MKNK2: variants seen among roughly 807,000 people sequenced by gnomAD.
The protein encoded by MKNK2 is MAPK interacting serine/threonine kinase 2, also known as MAP kinase-interacting serine/threonine-protein kinase 2.
MKNK2 carries 54 observed loss-of-function variants against 55.0 expected under a neutral mutation model. The ratio of observed to expected loss-of-function variants is 0.98; its 90% CI spans 0.79 to 1.23. MKNK2 has a LOEUF of 1.23. MKNK2 is among the 50% of genes most tolerant of loss of function. The pLI is 0.00. For missense variants in MKNK2, 685 were observed against 632.1 expected (o/e 1.08, Z -0.90); for synonymous variants, 323 against 256.0 (o/e 1.26, Z -2.50).
In MKNK2 at chr19:2,038,456, C is replaced by G; in HGVS notation, c.*1157G>C. Reference sequence around the variant, plus strand: ...GGGAGGGGGCAGCAGGCTCCGCAGCCCCCGGGGGTTGGAGCATGGAGGGTG... The same window carrying G: ...GGGAGGGGGCAGCAGGCTCCGCAGCGCCCGGGGGTTGGAGCATGGAGGGTG... On this transcript the variant is annotated 3_prime_UTR_variant, in exon 14 of 14. Coordinates refer to ENST00000250896, the MANE Select transcript of MKNK2 (RefSeq NM_199054.3). 3.0e-6 allele frequency: 3 copies of G among 985,488 alleles called. No homozygotes were observed. Among genetic ancestry groups the G allele is most frequent in the Non-Finnish European group, 2.4e-6 (2 of 829,886 alleles). The allele number at this position is 985,488 out of a possible 1,614,324, so 61.0% of individuals were successfully genotyped here.
Position 2,037,914 on chromosome 19 carries a change from G to A in MKNK2, c.*1699C>T, listed in dbSNP as rs112052351. On this transcript the variant is annotated 3_prime_UTR_variant, in exon 14 of 14. Coordinates refer to ENST00000250896, the MANE Select transcript of MKNK2 (RefSeq NM_199054.3). Reference sequence around the variant, plus strand: ...CCCGATGGCTATGGGCGCCTGCAGCGGGCGGGGGTCCATTTGCTTGTTCTT... The same window carrying A: ...CCCGATGGCTATGGGCGCCTGCAGCAGGCGGGGGTCCATTTGCTTGTTCTT... 2,396 of 1,408,670 alleles carry A rather than the reference G, an allele frequency of 1.7e-3. 36 individuals are homozygous for A. In the African/African-American group the frequency reaches 0.03, roughly 17 times the overall value. The allele number at this position is 1,408,670 out of a possible 1,614,324, so 87.3% of individuals were successfully genotyped here. A position where few individuals can be genotyped will look rare whatever the true frequency, so the allele number is the denominator to read the frequency against.
intron 2 of MKNK2, among the ~76,000 whole-genome samples, chr19:2,050,581 C>T (rs1371955189): frequency 5.9e-5 from 9 of 152,218 alleles, no homozygotes; most frequent in Admixed American, 5.9e-4. Flanking sequence ...GGAGGAAGGA[C>T]CCGGCGGCCA....
At chr19:2,041,762 C>T (rs150586106) in intron 11 of MKNK2, 78 bp downstream of exon 11, 13,709 of 1,270,806 alleles carry the variant, frequency 0.011, 92 homozygotes, top group Middle Eastern at 0.015. Flanking sequence ...AGGGCAGGTC[C>T]CCTGGGGTTA....
chr19:2,043,525 GCATCT>G lies in MKNK2; in HGVS notation c.392_396del (p.Glu131AlafsTer15). 1 of 1,614,054 alleles carries G rather than the reference GCATCT, an allele frequency of 6.2e-7. No homozygotes were observed. The highest frequency in any genetic ancestry group is 8.5e-7 in the Non-Finnish European group (1 of 1,179,960). On this transcript the variant is annotated frameshift_variant, in exon 6 of 14. Coordinates refer to ENST00000250896, the MANE Select transcript of MKNK2 (RefSeq NM_199054.3). LOFTEE classifies it high-confidence loss of function. ...TACCTGTGTCCCTGGCACTGGTACA[GCATCT>G]CCACCTCCCTGAAAACCCTGCTCCG... is the stretch of plus-strand genomic sequence containing the variant.
chr19:2,043,928 C>A (rs1047374328), intron 5 of MKNK2, among the ~76,000 whole-genome samples: 2 of 139,928 alleles, frequency 1.4e-5, no homozygotes, highest in Non-Finnish European at 3.0e-5. Context: ...GAGCTGAGAT[C>A]GCGCCATTGC....
chr19:2,043,042 C>A (rs1240236186), intron 7 of MKNK2, 82 bp downstream of exon 7: 1 of 1,339,212 alleles, frequency 7.5e-7, no homozygotes, highest in African/African-American at 1.4e-5. Flanking sequence ...CCCACAAGCC[C>A]CCTCCTGCAG....
intron 2 of MKNK2, among the ~76,000 whole-genome samples, chr19:2,049,398 C>A (rs567366409): frequency 2.0e-5 from 3 of 152,172 alleles, no homozygotes; most frequent in Admixed American, 6.6e-5. Context: ...CTAGAGCAAC[C>A]GGTCCCGGCC....
intron 7 of MKNK2, 37 bp downstream of exon 7, chr19:2,043,087 G>GCTCC: frequency 6.4e-7 from 1 of 1,564,062 alleles, no homozygotes; most frequent in Non-Finnish European, 8.8e-7. Context: ...ATACCTCCCA[G>GCTCC]CTCCCTCCCT....
chr19:2,041,133 G>A lies in MKNK2; in HGVS notation c.1017C>T (p.Cys339=), dbSNP rs537824868. ...FPDKDWAHIS[C]AAKDLISKLL... ...GCTTGGAGATGAGGTCTTTGGCAGC[G>A]CAGGAGATGTGGGCCCAGTCCTTGT... Residue 339 remains cysteine, a synonymous_variant, in exon 12 of 14, where the codon TGC becomes TGT. Transcript: ENST00000250896. 1.4e-5 allele frequency: 22 copies of A among 1,614,034 alleles called. No homozygotes were observed. Among genetic ancestry groups the A allele is most frequent in the South Asian group, 6.6e-5 (6 of 91,084 alleles).
In MKNK2 at chr19:2,039,160, C is replaced by T. The variant is rs1018229471; in HGVS notation, c.*453G>A. On this transcript the variant is annotated 3_prime_UTR_variant, in exon 14 of 14. Coordinates refer to ENST00000250896, the MANE Select transcript of MKNK2 (RefSeq NM_199054.3). Reference sequence around the variant, plus strand: ...GGAAGAGCCTGTCCCTGAAATACTGCGGGCTGGGAGGGAACACGAGGGCAG... The same window carrying T: ...GGAAGAGCCTGTCCCTGAAATACTGTGGGCTGGGAGGGAACACGAGGGCAG... The T allele has an allele frequency of 1.5e-5, 15 of 997,078 alleles. No homozygotes were observed. The highest frequency in any genetic ancestry group is 5.1e-4 in the Middle Eastern group (1 of 1,970). The allele number at this position is 997,078 out of a possible 1,614,324, so 61.8% of individuals were successfully genotyped here. A position where few individuals can be genotyped will look rare whatever the true frequency, so the allele number is the denominator to read the frequency against.
chr19:2,039,649 G>A lies in MKNK2; in HGVS notation c.1362C>T (p.Ser454=), dbSNP rs756702809. 3.7e-6 allele frequency: 6 copies of A among 1,612,904 alleles called. No homozygotes were observed. The highest frequency in any genetic ancestry group is 2.2e-5 in the East Asian group (1 of 44,878). The change falls in exon 14 of 14, where the codon TCC becomes TCT. Residue 454 remains serine (S), a synonymous_variant. Coordinates refer to ENST00000250896, the MANE Select transcript of MKNK2 (RefSeq NM_199054.3). ...LAQRRQRASL[S]SAPVVLVGDH... is the part of the protein sequence containing the mutation. ...CTCCCACCAGGACCACTGGGGCCGA[G>A]GACAGACTGGCCCTTTGCCGCCGCT...
Position 2,050,924 on chromosome 19 carries a change from C to A in MKNK2, c.-73G>T, listed in dbSNP as rs1222241781. ...GGAGGCCCGAGGGCGGGCGGCCGGG[C>A]GGGGGGCGGCCGAGGAGGGGACCCT... On this transcript the variant is annotated 5_prime_UTR_variant, in exon 2 of 14. Coordinates refer to ENST00000250896, the MANE Select transcript of MKNK2 (RefSeq NM_199054.3). 9.9e-6 allele frequency: 11 copies of A among 1,116,582 alleles called. No homozygotes were observed. In the East Asian group the frequency reaches 1.6e-4, roughly 16 times the overall value. The allele number at this position is 1,116,582 out of a possible 1,614,324, so 69.2% of individuals were successfully genotyped here. A position where few individuals can be genotyped will look rare whatever the true frequency, so the allele number is the denominator to read the frequency against.
Position 2,038,079 on chromosome 19 carries a change from G to A in MKNK2, c.*1534C>T, listed in dbSNP as rs2016791783. 1.7e-6 allele frequency: 2 copies of A among 1,165,178 alleles called. No homozygotes were observed. The highest frequency in any genetic ancestry group is 2.1e-6 in the Non-Finnish European group (2 of 939,332). The allele number at this position is 1,165,178 out of a possible 1,614,324, so 72.2% of individuals were successfully genotyped here. A position where few individuals can be genotyped will look rare whatever the true frequency, so the allele number is the denominator to read the frequency against. On this transcript the variant is annotated 3_prime_UTR_variant, in exon 14 of 14. Coordinates refer to ENST00000250896, the MANE Select transcript of MKNK2 (RefSeq NM_199054.3). ...GGGGCAGTCCACAGATATGGGCAGT[G>A]GGGACCAGGGAAGGCAGAGCACCCC...
At chr19:2,040,900 C>G in intron 12 of MKNK2, 140 bp downstream of exon 12, 1 of 871,388 alleles carries the variant, frequency 1.1e-6, no homozygotes, top group South Asian at 1.6e-5. Context: ...CACCCCTCAT[C>G]CCAGGGCAGA....
Position 2,039,777 on chromosome 19 carries a change from C to T in MKNK2, c.1234G>A (p.Asp412Asn). The T allele has an allele frequency of 6.2e-7, 1 of 1,607,880 alleles. No homozygotes were observed. The highest frequency in any genetic ancestry group is 8.5e-7 in the Non-Finnish European group (1 of 1,179,586). Residue 412 changes from aspartate to asparagine, a missense_variant, in exon 14 of 14, where the codon GAC becomes AAC. Transcript: ENST00000250896. Reference protein sequence around the residue: ...MNRQLAQHDEDLAEEEAAGQG... With the variant: ...MNRQLAQHDENLAEEEAAGQG... ...CCCGCGGCCTCCTCCTCAGCCAGGT[C>T]CTCGTCGTGCTGGGCCAGCTGCCGG...
At position 2,037,753 on chromosome 19, in the gene MKNK2, T is replaced by TA; in HGVS notation, c.*1859dup. On this transcript the variant is annotated 3_prime_UTR_variant, in exon 14 of 14. Transcript: ENST00000250896. Reference sequence around the variant, plus strand: ...CTCCAGGATCTTCACTCATTCACAGTAACGGTTCTGACCAGTCCTCCAGGT... The same window carrying TA: ...CTCCAGGATCTTCACTCATTCACAGTAAACGGTTCTGACCAGTCCTCCAGGT... 1 of 1,595,374 alleles carries TA rather than the reference T, an allele frequency of 6.3e-7. No homozygotes were observed. Among genetic ancestry groups the TA allele is most frequent in the African/African-American group, 1.4e-5 (1 of 73,224 alleles).
At position 2,042,755 on chromosome 19, in the gene MKNK2, TCAC is replaced by T; in HGVS notation, c.598+8_598+10del. The stretch of plus-strand genomic sequence containing the variant: ...CGGCCCTAGGAGACTCCGGGCGGGG[TCAC>T]CACCTACCTTTGTTATGCAGAAAGT... On this transcript the variant is annotated splice_region_variant and intron_variant, in intron 8 of 13. Coordinates refer to ENST00000250896, the MANE Select transcript of MKNK2 (RefSeq NM_199054.3). 1 of 1,561,294 alleles carries T rather than the reference TCAC, an allele frequency of 6.4e-7. No individual in the cohort carries two copies. Among genetic ancestry groups the T allele is most frequent in the Non-Finnish European group, 8.7e-7 (1 of 1,150,110 alleles).
chr19:2,038,382 C>T lies in MKNK2; in HGVS notation c.*1231G>A, dbSNP rs545836230. 1.8e-4 allele frequency: 182 copies of T among 986,144 alleles called. No homozygotes were observed. Among genetic ancestry groups the T allele is most frequent in the East Asian group, 1.6e-3 (14 of 8,792 alleles). 61.1% of individuals were successfully genotyped at this position (986,144 alleles called of 1,614,324 possible). A position where few individuals can be genotyped will look rare whatever the true frequency, so the allele number is the denominator to read the frequency against. ...AGGGCGGGCGGTGACCCTAGCCGCG[C>T]GCACTTCTAAAGTGGAACCCTGTAT... On this transcript the variant is annotated 3_prime_UTR_variant, in exon 14 of 14. Coordinates refer to ENST00000250896, the MANE Select transcript of MKNK2 (RefSeq NM_199054.3).
In MKNK2 at chr19:2,043,226, GCTGAGGCTTC is replaced by G. The variant is rs753442986; in HGVS notation, c.420-39_420-30del. ...GGGTGGGGGTGGGGGCAGGAGAGGA[GCTGAGGCTTC>G]CTGAGGCCCCTGGGTACCTGCTGCC... On this transcript the variant is annotated intron_variant, in intron 6 of 13. Transcript: ENST00000250896. 14 of 1,568,386 alleles carry G rather than the reference GCTGAGGCTTC, an allele frequency of 8.9e-6. No homozygotes were observed. In the East Asian group the frequency reaches 3.1e-4, roughly 35 times the overall value.
Sources: allele counts gnomAD v4.1 joint callset (sites outside exome capture counted in the v4.1 genomes callset), GRCh38; gene constraint gnomAD v4.1.1; transcripts MANE v1.5; gene names NCBI Gene and HGNC (gene_info 2026-07-23, HGNC 2026-07-21).